Variants in CADM2 observed in about 807,000 individuals in gnomAD.
CADM2 encodes cell adhesion molecule 2, also known as immunoglobulin superfamily member 4D.
CADM2 carries 12 observed loss-of-function variants against 49.8 expected under a neutral mutation model. The ratio of observed to expected loss-of-function variants is 0.24; its 90% CI spans 0.15 to 0.39. The LOEUF (loss-of-function observed/expected upper bound fraction) is 0.39, where lower values mean the gene tolerates loss of function less well. Ranked by LOEUF, CADM2 falls within the 10% of genes least tolerant of loss-of-function variation. The pLI is 1.00. For missense variants in CADM2, 378 were observed against 492.3 expected (o/e 0.77, Z 2.20); for synonymous variants, 214 against 175.4 (o/e 1.22, Z -1.74).
At chr3:85,028,539 C>T (rs578037853) in intron 1 of CADM2, among the ~76,000 whole-genome samples, 2 of 152,198 alleles carry the variant, frequency 1.3e-5, no homozygotes, top group Admixed American at 6.5e-5. Context: ...TCTTAAAGTA[C>T]AAATTTATCT....
chr3:86,020,148 A>C (rs1416172778), intron 8 of CADM2, among the ~76,000 whole-genome samples: 1 of 152,136 alleles, frequency 6.6e-6, no homozygotes, highest in Non-Finnish European at 1.5e-5. Context: ...AAAATGATAA[A>C]GGGGATGTCA....
At chr3:85,197,524 C>G (rs764951080) in intron 1 of CADM2, among the ~76,000 whole-genome samples, 3 of 151,876 alleles carry the variant, frequency 2.0e-5, no homozygotes, top group Non-Finnish European at 4.4e-5. Context: ...GAAGCAGAAG[C>G]TTGAAGAAGT....
intron 1 of CADM2, among the ~76,000 whole-genome samples, chr3:85,440,991 C>T (rs1027253738): frequency 3.3e-5 from 5 of 151,928 alleles, no homozygotes; most frequent in African/African-American, 1.2e-4. Context: ...AATAAAAAGA[C>T]ATATTTTATA....
At chr3:85,619,423 A>T (rs993993218) in intron 1 of CADM2, among the ~76,000 whole-genome samples, 1 of 152,134 alleles carries the variant, frequency 6.6e-6, no homozygotes, top group African/African-American at 2.4e-5. Context: ...ATTTCTAATC[A>T]ACTGTAGTGT....
intron 1 of CADM2, among the ~76,000 whole-genome samples, chr3:85,462,686 T>C (rs2038303293): frequency 6.6e-6 from 1 of 152,184 alleles, no homozygotes; most frequent in Non-Finnish European, 1.5e-5. Flanking sequence ...AGTGAACTTT[T>C]ATATTGAAAA....
chr3:85,163,317 A>G (rs958510081), intron 1 of CADM2, among the ~76,000 whole-genome samples: 1 of 152,044 alleles, frequency 6.6e-6, no homozygotes, highest in Non-Finnish European at 1.5e-5. Context: ...GCAGACCTTT[A>G]AAATTTGGTA....
chr3:85,990,221 A>G (rs192961814), intron 8 of CADM2, among the ~76,000 whole-genome samples: 5 of 152,074 alleles, frequency 3.3e-5, no homozygotes, highest in Admixed American at 3.3e-4. Flanking sequence ...TACCAATACA[A>G]CCATTTTGTT....
At chr3:85,771,470 G>T (rs1197146148) in intron 2 of CADM2, among the ~76,000 whole-genome samples, 1 of 152,036 alleles carries the variant, frequency 6.6e-6, no homozygotes, top group Non-Finnish European at 1.5e-5. Context: ...TAAGTTATTT[G>T]AGCAAAATAT....
intron 1 of CADM2, among the ~76,000 whole-genome samples, chr3:85,280,304 T>C (rs528571864): frequency 3.3e-5 from 5 of 151,798 alleles, no homozygotes; most frequent in African/African-American, 9.6e-5. Flanking sequence ...AGTTTTGTCA[T>C]ATACGGTGTA....
chr3:85,417,309 T>C (rs1197574711), intron 1 of CADM2, among the ~76,000 whole-genome samples: 2 of 152,176 alleles, frequency 1.3e-5, no homozygotes, highest in African/African-American at 4.8e-5. Context: ...TTATACTTGT[T>C]CATTTATACT....
At chr3:85,517,054 A>C (rs1159299312) in intron 1 of CADM2, among the ~76,000 whole-genome samples, 1 of 151,910 alleles carries the variant, frequency 6.6e-6, no homozygotes, top group Non-Finnish European at 1.5e-5. Context: ...TATAAAGACA[A>C]CTACACCACT....
At chr3:85,086,799 G>A (rs111731337) in intron 1 of CADM2, among the ~76,000 whole-genome samples, 6 of 152,034 alleles carry the variant, frequency 3.9e-5, no homozygotes, top group South Asian at 2.1e-4. Flanking sequence ...GTGAGCCACC[G>A]CATCCATCCA....
chr3:85,453,345 T>C (rs1414929290), intron 1 of CADM2, among the ~76,000 whole-genome samples: 1 of 152,086 alleles, frequency 6.6e-6, no homozygotes, highest in Non-Finnish European at 1.5e-5. Context: ...ATTAATATTA[T>C]TTTTGTGTGT....
chr3:85,460,966 G>T (rs1406713625), intron 1 of CADM2, among the ~76,000 whole-genome samples: 1 of 152,118 alleles, frequency 6.6e-6, no homozygotes, highest in African/African-American at 2.4e-5. Flanking sequence ...GGGAAGGAAC[G>T]AAGAGGGAAA....
intron 1 of CADM2, among the ~76,000 whole-genome samples, chr3:85,189,062 A>AAAATAAATAAATAAAT (rs67058834): frequency 4.8e-4 from 70 of 145,578 alleles, no homozygotes; most frequent in Non-Finnish European, 2.1e-4. Flanking sequence ...ATAAATAAAT[A>AAAATAAATAAATAAAT]AAATAAATAA....
rs147551362 is a variant in CADM2 at position 85,816,302 on chromosome 3, A to T, written c.238+14106A>T. On this transcript the variant is annotated intron_variant, in intron 3 of 9. Coordinates refer to ENST00000383699, the MANE Select transcript of CADM2 (RefSeq NM_001167675.2). ...AAGGTTATTATACTTAAAAACTTAG[A>T]GGCCACTGTATTTTACTGTTCCAGT... 5.9e-5 allele frequency among the ~76,000 whole-genome samples: 9 copies of T among 152,062 alleles called. No individual in the cohort carries two copies. The East Asian group carries it at 1.7e-3, about 29-fold the overall frequency.
At chr3:85,206,468 C>A (rs978170263) in intron 1 of CADM2, among the ~76,000 whole-genome samples, 1 of 151,818 alleles carries the variant, frequency 6.6e-6, no homozygotes, top group Non-Finnish European at 1.5e-5. Context: ...TCACCACGCC[C>A]GGCTAATTTT....
intron 2 of CADM2, among the ~76,000 whole-genome samples, chr3:85,783,398 G>A (rs1280378343): frequency 6.6e-6 from 1 of 152,176 alleles, no homozygotes. Context: ...TTTGGCATAT[G>A]TCCAAGTTTC....
intron 1 of CADM2, among the ~76,000 whole-genome samples, chr3:85,671,790 A>G (rs2065744268): frequency 6.6e-6 from 1 of 152,122 alleles, no homozygotes. Flanking sequence ...TTATCTTCTC[A>G]TATGTGTACC....
Sources: allele counts gnomAD v4.1 joint callset (sites outside exome capture counted in the v4.1 genomes callset), GRCh38; gene constraint gnomAD v4.1.1; transcripts MANE v1.5; gene names NCBI Gene and HGNC (gene_info 2026-07-23, HGNC 2026-07-21).